Variants in ITIH5 observed in about 807,000 individuals in gnomAD.
The protein encoded by ITIH5 is inter-alpha-trypsin inhibitor heavy chain 5.
In ITIH5, 65 loss-of-function variants were observed where a neutral mutation model predicts 77.5. The observed-to-expected ratio is 0.84, with a 90% CI of 0.69 to 1.03. The LOEUF (loss-of-function observed/expected upper bound fraction) is 1.03, where lower values mean the gene tolerates loss of function less well. Ranked by LOEUF, ITIH5 falls within the 50% of genes least tolerant of loss-of-function variation. The pLI is 0.00. For synonymous variants in ITIH5, 525 were observed against 494.3 expected (o/e 1.06, Z -0.82); for missense variants, 1,208 against 1,213.1 (o/e 1.00, Z 0.06).
At chr10:7,638,062 G>A (rs7909087) in intron 4 of ITIH5, among the ~76,000 whole-genome samples, 6 of 152,300 alleles carry the variant, frequency 3.9e-5, no homozygotes, top group South Asian at 2.1e-4. Context: ...AGTGGCAACC[G>A]TTAGTAGGTA....
chr10:7,592,610 CAG>C (rs1832814914), intron 7 of ITIH5, among the ~76,000 whole-genome samples: 1 of 152,162 alleles, frequency 6.6e-6, no homozygotes, highest in Non-Finnish European at 1.5e-5. Flanking sequence ...GAACCTAAGA[CAG>C]ACACTACTGA....
rs1588351425 is a variant in ITIH5 at position 7,563,137 on chromosome 10, G to A, written c.2775C>T (p.Ser925=). 1.2e-6 allele frequency: 2 copies of A among 1,613,938 alleles called. No individual in the cohort carries two copies. Among genetic ancestry groups the A allele is most frequent in the East Asian group, 4.5e-5 (2 of 44,892 alleles). Residue 925 remains serine, a synonymous_variant, in exon 14 of 14, where the codon TCC becomes TCT. Transcript: ENST00000397146. ...IDGEYKDYLA[S]HPFDTGMTLG... is the part of the protein sequence containing the mutation. ...GTGTCATCCCTGTGTCAAATGGATG[G>A]GATGCCAGGTAATCCTTGTACTCCC...
intron 7 of ITIH5, among the ~76,000 whole-genome samples, chr10:7,610,638 T>C (rs1036910517): frequency 5.9e-5 from 9 of 152,218 alleles, no homozygotes; most frequent in Admixed American, 5.9e-4. Context: ...TTGGGATAAT[T>C]GTCCTCTTCA....
chr10:7,566,455 G>C, intron 12 of ITIH5, 48 bp from the exon 13 acceptor site: 1 of 1,543,848 alleles, frequency 6.5e-7, no homozygotes, highest in Non-Finnish European at 8.8e-7. Context: ...CTGACCAGGA[G>C]TGGTGGCTCA....
intron 9 of ITIH5, among the ~76,000 whole-genome samples, chr10:7,579,390 T>C (rs2130962105): frequency 6.6e-6 from 1 of 152,222 alleles, no homozygotes; most frequent in Middle Eastern, 3.4e-3. Flanking sequence ...CCAGGCGTGG[T>C]GGTGTGTGAC....
chr10:7,593,140 A>G (rs185957379), intron 7 of ITIH5, among the ~76,000 whole-genome samples: 177 of 152,062 alleles, frequency 1.2e-3, no homozygotes, highest in Non-Finnish European at 2.1e-3. Context: ...AGGAAGAGCT[A>G]TTCAATCTCT....
chr10:7,612,721 T>C lies in ITIH5; in HGVS notation c.939+3261A>G, dbSNP rs547500578. 3.7e-4 allele frequency among the ~76,000 whole-genome samples: 56 copies of C among 151,524 alleles called. No individual in the cohort carries two copies. The South Asian group carries it at 0.011, about 29-fold the overall frequency. On this transcript the variant is annotated intron_variant, in intron 7 of 13. Coordinates refer to ENST00000397146, the MANE Select transcript of ITIH5 (RefSeq NM_030569.7). ...CTGAAGATTCATAGGTACCTAGGAATTAAATGAGATGCCTGAGGAAACCCA... is the reference window on the plus strand; with the variant it reads ...CTGAAGATTCATAGGTACCTAGGAACTAAATGAGATGCCTGAGGAAACCCA...
rs749743981 is a variant in ITIH5 at position 7,579,959 on chromosome 10, G to A, written c.1214C>T (p.Thr405Met). The change falls in exon 9 of 14, where the codon ACG becomes ATG. Residue 405 changes from threonine to methionine, a missense_variant. Thr to Met is a moderately conservative substitution (Grantham distance 81). Coordinates refer to ENST00000397146, the MANE Select transcript of ITIH5 (RefSeq NM_030569.7). ...CTCCCCGACCGTGGGCTTCCCATCC[G>A]TCAGGAAGACGATGAGGGACACGCT... ...DRSVSLIVFL[T>M]DGKPTVGETH... 2.3e-5 allele frequency: 37 copies of A among 1,614,194 alleles called. No individual in the cohort carries two copies. In the Middle Eastern group the frequency reaches 9.9e-4, roughly 43 times the overall value.
chr10:7,579,731 T>C (rs1049212255), intron 9 of ITIH5, 24 bp downstream of exon 9: 28 of 1,604,692 alleles, frequency 1.7e-5, no homozygotes, highest in African/African-American at 4.0e-5. Flanking sequence ...CAGCCTCTCA[T>C]GCCTACGAAG....
chr10:7,563,437 C>A, intron 13 of ITIH5, 53 bp from the exon 14 acceptor site: 1 of 1,518,522 alleles, frequency 6.6e-7, no homozygotes, highest in African/African-American at 1.4e-5. Flanking sequence ...AAACCTCGTG[C>A]TGAACTCCAA....
rs1422734734 is a variant in ITIH5, at chr10:7,637,442, C to T, written c.438G>A (p.Val146=). 1.9e-6 allele frequency: 3 copies of T among 1,613,944 alleles called. No individual in the cohort carries two copies. Among genetic ancestry groups the T allele is most frequent in the South Asian group, 1.1e-5 (1 of 91,066 alleles). ...KGTEIFRASA[V]IPSKDKAAFF... ...AGGCGGCTTTGTCCTTGCTGGGAAT[C>T]ACTGCAGAAGCTCTGAATATTTCAG... The change falls in exon 5 of 14, where the codon GTG becomes GTA. Residue 146 remains valine (V), a synonymous_variant. Coordinates refer to ENST00000397146, the MANE Select transcript of ITIH5 (RefSeq NM_030569.7).
At chr10:7,624,835 ATG>A (rs1421751122) in intron 5 of ITIH5, among the ~76,000 whole-genome samples, 1 of 129,564 alleles carries the variant, frequency 7.7e-6, no homozygotes, top group East Asian at 2.2e-4. Flanking sequence ...GTGTATATAC[ATG>A]TATATACACA....
Position 7,585,931 on chromosome 10 carries a change from C to G in ITIH5, c.1078G>C (p.Val360Leu). 2 of 1,613,740 alleles carry G rather than the reference C, an allele frequency of 1.2e-6. No homozygotes were observed. Among genetic ancestry groups the G allele is most frequent in the Non-Finnish European group, 1.7e-6 (2 of 1,179,866 alleles). ...GTGGGTGACATATGGTGAATGTACA[C>G]TTTCCCATCCCTGATGCTGTCTGGA... Reference protein sequence around the residue: ...VTPDSIRDGKVYIHHMSPTGG... With the variant: ...VTPDSIRDGKLYIHHMSPTGG... The change falls in exon 8 of 14, where the codon GTG becomes CTG. Residue 360 changes from valine to leucine, a missense_variant. Val to Leu is a conservative substitution (Grantham distance 32). Transcript: ENST00000397146.
chr10:7,617,074 C>A, intron 6 of ITIH5, 39 bp downstream of exon 6: 1 of 1,406,864 alleles, frequency 7.1e-7, no homozygotes, highest in South Asian at 1.7e-5. Flanking sequence ...TCCAAAGTAC[C>A]AACCAACCAA....
chr10:7,587,602 CAG>C (rs1420210584), intron 7 of ITIH5, among the ~76,000 whole-genome samples: 16 of 152,168 alleles, frequency 1.1e-4, no homozygotes, highest in African/African-American at 3.9e-4. Context: ...AAAATCAGGA[CAG>C]TAATAGTACC....
At chr10:7,656,407 G>A (rs189877011) in intron 1 of ITIH5, among the ~76,000 whole-genome samples, 63 of 152,236 alleles carry the variant, frequency 4.1e-4, no homozygotes, top group Admixed American at 7.8e-4. Context: ...TAGAGACAGG[G>A]TCTCGCTATG....
At chr10:7,595,366 C>T (rs11255222) in intron 7 of ITIH5, among the ~76,000 whole-genome samples, 143,197 of 152,164 alleles carry the variant, frequency 0.94, 68,050 homozygotes, top group Non-Finnish European at 1. Context: ...ATTCGGGTAG[C>T]GAAGACATAC....
rs1832032038 is a variant in ITIH5, at chr10:7,561,078, G to A, written c.*2005C>T. ...AAAAAGATCTACACGTAAAGAAGAG[G>A]AAGAAAAAAGGTGATATTTTTCTAA... is the stretch of plus-strand genomic sequence containing the variant. On this transcript the variant is annotated 3_prime_UTR_variant, in exon 14 of 14. Transcript: ENST00000397146. 6.7e-6 allele frequency: 1 copy of A among 149,354 alleles called. No homozygotes were observed. Among genetic ancestry groups the A allele is most frequent in the Non-Finnish European group, 1.5e-5 (1 of 67,490 alleles). The allele number at this position is 149,354 out of a possible 1,614,324, so 9.3% of individuals were successfully genotyped here. A position where few individuals can be genotyped will look rare whatever the true frequency, so the allele number is the denominator to read the frequency against.
chr10:7,584,802 ATGG>A (rs1420309444), intron 8 of ITIH5, among the ~76,000 whole-genome samples: 5 of 152,204 alleles, frequency 3.3e-5, no homozygotes. Flanking sequence ...CAAGAATTTT[ATGG>A]TGTTGTGGAC....
Sources: allele counts gnomAD v4.1 joint callset (sites outside exome capture counted in the v4.1 genomes callset), GRCh38; gene constraint gnomAD v4.1.1; transcripts MANE v1.5; gene names NCBI Gene and HGNC (gene_info 2026-07-23, HGNC 2026-07-21).